The following RMDN2 variants were observed in gnomAD, a reference collection of about 807,000 sequenced individuals.
RMDN2 encodes regulator of microtubule dynamics protein 2.
RMDN2 carries 61 observed loss-of-function variants against 52.8 expected under a neutral mutation model. The observed-to-expected ratio is 1.16, with a 90% CI of 0.94 to 1.43. The LOEUF (loss-of-function observed/expected upper bound fraction) is 1.43. Ranked by LOEUF, RMDN2 falls within the 40% of genes most tolerant of loss-of-function variation. The pLI is 0.00. For missense variants in RMDN2, 592 were observed against 475.3 expected (o/e 1.25, Z -2.28); for synonymous variants, 180 against 153.1 (o/e 1.18, Z -1.30).
rs1674656384 is a variant in RMDN2, at chr2:37,990,601, C to T, written c.868-619C>T. ...AGTGTGACCAGCACTAAGTAGTTAACAATCTCTGCATATTGATTTGGTGGA... is the reference window on the plus strand; with the variant it reads ...AGTGTGACCAGCACTAAGTAGTTAATAATCTCTGCATATTGATTTGGTGGA... On this transcript the variant is annotated intron_variant, in intron 6 of 10. Transcript: ENST00000354545. Among the ~76,000 whole-genome samples the T allele has an allele frequency of 3.7e-5, 5 of 134,214 alleles. No homozygotes were observed. The South Asian group carries it at 1.2e-3, about 33-fold the overall frequency. The allele number at this position is 134,214 out of a possible 152,430, so 88.0% of individuals were successfully genotyped here. A position where few individuals can be genotyped will look rare whatever the true frequency, so the allele number is the denominator to read the frequency against.
downstream of RMDN2, among the ~76,000 whole-genome samples, chr2:38,020,745 C>T (rs1051958429): frequency 2.6e-5 from 4 of 152,232 alleles, no homozygotes; most frequent in African/African-American, 4.8e-5. Flanking sequence ...AGCTGCCTCC[C>T]GGCAGGGCAG....
intron 2 of RMDN2, chr2:37,951,735 CAT>C (rs772731544): frequency 3.2e-5 from 51 of 1,612,544 alleles, no homozygotes; most frequent in Non-Finnish European, 4.1e-5. Flanking sequence ...TGCTAAAAAA[CAT>C]ATAACCATCT....
intron 10 of RMDN2, among the ~76,000 whole-genome samples, chr2:38,023,974 A>C (rs550756534): frequency 6.6e-6 from 1 of 152,218 alleles, no homozygotes; most frequent in South Asian, 2.1e-4. Context: ...TCCAAATAAC[A>C]ACTGATCTGC....
intron 10 of RMDN2, among the ~76,000 whole-genome samples, chr2:38,055,679 C>T (rs1023051955): frequency 6.6e-6 from 1 of 152,080 alleles, no homozygotes; most frequent in African/African-American, 2.4e-5. Context: ...CAATAGCATT[C>T]GACAGAGGAG....
intron 10 of RMDN2, among the ~76,000 whole-genome samples, chr2:38,045,816 A>G (rs763953708): frequency 6.6e-6 from 1 of 152,220 alleles, no homozygotes; most frequent in Non-Finnish European, 1.5e-5. Context: ...TGGCTTCACA[A>G]TTGATGCTGC....
chr2:37,952,097 C>T, intron 2 of RMDN2: 1 of 1,613,214 alleles, frequency 6.2e-7, no homozygotes. Flanking sequence ...GTTGCTTTAT[C>T]CCACCTCAAA....
intron 1 of RMDN2, among the ~76,000 whole-genome samples, 167 bp downstream of exon 1, chr2:37,925,592 G>C (rs911490593): frequency 1.2e-4 from 19 of 152,224 alleles, no homozygotes; most frequent in African/African-American, 4.6e-4. Context: ...TGCGTTCCCG[G>C]GGCTGGAGCA....
At chr2:38,037,754 A>G (rs1680680843) in intron 10 of RMDN2, among the ~76,000 whole-genome samples, 1 of 152,190 alleles carries the variant, frequency 6.6e-6, no homozygotes, top group Non-Finnish European at 1.5e-5. Flanking sequence ...GAGACCTACA[A>G]ACTGCTTATA....
chr2:37,921,789 A>C (rs556214639), upstream of RMDN2, among the ~76,000 whole-genome samples: 68 of 152,314 alleles, frequency 4.5e-4, no homozygotes, highest in Admixed American at 1.4e-3. Flanking sequence ...GCCTGGGACA[A>C]GTTTCTTCAC....
upstream of RMDN2, among the ~76,000 whole-genome samples, chr2:37,924,564 G>C (rs1410372632): frequency 2.7e-4 from 41 of 151,910 alleles, no homozygotes; most frequent in Admixed American, 2.6e-3. Context: ...CAGGGGTTTC[G>C]CCACGTTGGC....
intron 2 of RMDN2, among the ~76,000 whole-genome samples, chr2:37,933,070 C>G (rs1365756292): frequency 6.6e-6 from 1 of 151,252 alleles, no homozygotes; most frequent in South Asian, 2.1e-4. Flanking sequence ...GGGGCGGTTG[C>G]CAGGCAGAGG....
intron 2 of RMDN2, among the ~76,000 whole-genome samples, chr2:37,937,244 T>A: frequency 6.6e-6 from 1 of 152,246 alleles, no homozygotes; most frequent in African/African-American, 2.4e-5. Flanking sequence ...GAAGCCTCTG[T>A]TCTGTTCCAT....
intron 2 of RMDN2, chr2:37,950,290 C>G: frequency 1.8e-6 from 1 of 571,200 alleles, no homozygotes; most frequent in Non-Finnish European, 3.1e-6. Context: ...TGTTTTCCCA[C>G]CCCTGGATTT....
intron 10 of RMDN2, among the ~76,000 whole-genome samples, chr2:38,022,999 G>C (rs549373879): frequency 6.6e-6 from 1 of 152,288 alleles, no homozygotes; most frequent in African/African-American, 2.4e-5. Context: ...TTAATTGATT[G>C]GAGTCCAGTG....
At chr2:38,020,168 T>G (rs963098197), downstream of RMDN2, among the ~76,000 whole-genome samples, 3 of 152,112 alleles carry the variant, frequency 2.0e-5, no homozygotes, top group African/African-American at 4.8e-5. Context: ...TGCATTACAT[T>G]TAGTGTGCAC....
intron 7 of RMDN2, among the ~76,000 whole-genome samples, chr2:37,992,237 A>G (rs995809377): frequency 1.3e-5 from 2 of 152,224 alleles, no homozygotes; most frequent in East Asian, 3.8e-4. Flanking sequence ...CAGCATTGAA[A>G]TTGAAATTGA....
chr2:37,976,016 T>C (rs188279855), intron 4 of RMDN2, among the ~76,000 whole-genome samples: 19 of 152,312 alleles, frequency 1.2e-4, no homozygotes, highest in Middle Eastern at 3.4e-3. Flanking sequence ...ACAGTTAAAG[T>C]AACACATCTT....
chr2:37,930,500 GAGGGGCACCCCA>G (rs1666641782), intron 2 of RMDN2, among the ~76,000 whole-genome samples: 1 of 152,162 alleles, frequency 6.6e-6, no homozygotes, highest in African/African-American at 2.4e-5. Flanking sequence ...ACCTGGGAGC[GAGGGGCACCCCA>G]AGGGGCAGCC....
Position 37,959,608 on chromosome 2 carries a change from T to C in RMDN2, c.453-14432T>C, listed in dbSNP as rs868681440. On this transcript the variant is annotated intron_variant, in intron 2 of 10. Transcript: ENST00000354545. ...TCTTTTCAAAAAACCAGCTCCTGGA[T>C]TCATTGATATTTTTGAAGGGTTTTT... Among the ~76,000 whole-genome samples the C allele has an allele frequency of 4.4e-4, 67 of 150,934 alleles. 8 individuals are homozygous for C. Among genetic ancestry groups the C allele is most frequent in the African/African-American group, 1.5e-3 (59 of 40,216 alleles).
Sources: allele counts gnomAD v4.1 joint callset (sites outside exome capture counted in the v4.1 genomes callset), GRCh38; gene constraint gnomAD v4.1.1; transcripts MANE v1.5; gene names NCBI Gene and HGNC (gene_info 2026-07-23, HGNC 2026-07-21).